REDIC1: variants seen among roughly 807,000 people sequenced by gnomAD.
REDIC1 encodes the protein HEI10 Interacting Protein 1.
At chr12:39,729,786 G>A in the REDIC1 span, among the ~76,000 whole-genome samples, 5 of 152,120 alleles carry the variant, frequency 3.3e-5, no homozygotes, top group East Asian at 1.9e-4. Flanking sequence ...ATTATTATGT[G>A]GGAGTATAAG....
chr12:39,854,934 T>C, the REDIC1 span, among the ~76,000 whole-genome samples: 2 of 152,226 alleles, frequency 1.3e-5, no homozygotes, highest in Non-Finnish European at 2.9e-5. Context: ...CTCCCTCCTC[T>C]GTGACGGGTC....
the REDIC1 span, among the ~76,000 whole-genome samples, chr12:39,875,802 A>G: frequency 1.3e-5 from 2 of 152,218 alleles, no homozygotes; most frequent in Non-Finnish European, 2.9e-5. Context: ...TACAAAGTAC[A>G]TTCCAATGTT....
At chr12:39,659,470 T>C in the REDIC1 span, among the ~76,000 whole-genome samples, 1 of 152,096 alleles carries the variant, frequency 6.6e-6, no homozygotes, top group Non-Finnish European at 1.5e-5. Context: ...TTTTCCAGTC[T>C]TTTTTCTCTC....
the REDIC1 span, among the ~76,000 whole-genome samples, chr12:39,663,776 A>G: frequency 4.6e-5 from 7 of 151,708 alleles, no homozygotes; most frequent in African/African-American, 7.3e-5. Context: ...CATTTTCGTT[A>G]TAGTAGATAT....
At chr12:39,779,009 G>A in the REDIC1 span, among the ~76,000 whole-genome samples, 11 of 152,060 alleles carry the variant, frequency 7.2e-5, no homozygotes, top group Middle Eastern at 3.2e-3. Flanking sequence ...GAACCAGGAC[G>A]TAGGTAATAC....
the REDIC1 span, among the ~76,000 whole-genome samples, chr12:39,727,632 A>G: frequency 1.3e-5 from 2 of 152,176 alleles, no homozygotes; most frequent in Non-Finnish European, 2.9e-5. Context: ...TATGAAATTT[A>G]GCTTTTTCTA....
the REDIC1 span, among the ~76,000 whole-genome samples, chr12:39,790,284 T>C: frequency 6.6e-6 from 1 of 151,272 alleles, no homozygotes; most frequent in East Asian, 2.0e-4. Context: ...GTTAGTTACA[T>C]ATGTATACAT....
chr12:39,728,775 C>T, the REDIC1 span, among the ~76,000 whole-genome samples: 8 of 113,426 alleles, frequency 7.1e-5, no homozygotes, highest in East Asian at 1.7e-3. Context: ...CCATCTGGTC[C>T]TGGGCTTTTT....
the REDIC1 span, among the ~76,000 whole-genome samples, chr12:39,707,108 T>C: frequency 2.6e-5 from 4 of 151,880 alleles, no homozygotes; most frequent in Admixed American, 1.3e-4. Context: ...ATTTGCAAAT[T>C]ACCTATCTGG....
the REDIC1 span, among the ~76,000 whole-genome samples, chr12:39,670,794 T>C: frequency 6.6e-6 from 1 of 152,022 alleles, no homozygotes; most frequent in African/African-American, 2.4e-5. Context: ...AAGACCTATC[T>C]TTAAGTTCTG....
the REDIC1 span, among the ~76,000 whole-genome samples, chr12:39,696,350 C>T: frequency 1.2e-4 from 18 of 150,480 alleles, no homozygotes; most frequent in South Asian, 6.4e-4. Flanking sequence ...GAGACCATCC[C>T]GGCTAAAACG....
chr12:39,850,269 T>G, the REDIC1 span, among the ~76,000 whole-genome samples: 1 of 152,180 alleles, frequency 6.6e-6, no homozygotes, highest in African/African-American at 2.4e-5. Flanking sequence ...TTCTATTGTA[T>G]TGATATATTT....
the REDIC1 span, among the ~76,000 whole-genome samples, chr12:39,812,416 TCCTTCCTG>T: frequency 1.4e-5 from 2 of 142,186 alleles, no homozygotes; most frequent in Admixed American, 6.9e-5. Context: ...CTTCCTTCCT[TCCTTCCTG>T]CCTTCCTTCC....
the REDIC1 span, chr12:39,721,314 T>C: frequency 7.2e-7 from 1 of 1,386,486 alleles, no homozygotes; most frequent in Non-Finnish European, 1.0e-6. Flanking sequence ...ACAGTAAATG[T>C]TGAAAATTTC....
the REDIC1 span, among the ~76,000 whole-genome samples, chr12:39,783,065 C>T: frequency 6.6e-6 from 1 of 152,126 alleles, no homozygotes; most frequent in Non-Finnish European, 1.5e-5. Context: ...GTTCCCCATC[C>T]TGTGTCCAAC....
At chr12:39,723,244 C>G in the REDIC1 span, among the ~76,000 whole-genome samples, 1 of 152,106 alleles carries the variant, frequency 6.6e-6, no homozygotes, top group African/African-American at 2.4e-5. Flanking sequence ...TAAACTATAA[C>G]TGTGAATATA....
chr12:39,667,965 C>T, the REDIC1 span, among the ~76,000 whole-genome samples: 9 of 152,086 alleles, frequency 5.9e-5, no homozygotes, highest in South Asian at 2.1e-4. Flanking sequence ...TGTGTCTCTG[C>T]GGGTGAGATG....
At chr12:39,647,943 A>G in the REDIC1 span, 1 of 1,588,352 alleles carries the variant, frequency 6.3e-7, no homozygotes, top group South Asian at 1.1e-5. Context: ...CCTACTCCTC[A>G]GAAACTTGCA....
the REDIC1 span, among the ~76,000 whole-genome samples, chr12:39,717,806 A>G: frequency 6.6e-6 from 1 of 152,132 alleles, no homozygotes; most frequent in African/African-American, 2.4e-5. Context: ...GTCTAAAGTC[A>G]GATTTTTCTG....
Sources: gnomAD v4.1 joint callset for allele counts (sites outside exome capture counted in the v4.1 genomes callset) on GRCh38, gnomAD v4.1.1 for gene constraint, MANE v1.5 for transcripts, NCBI Gene and HGNC (gene_info 2026-07-23, HGNC 2026-07-21) for gene names.